Variants in RLF observed in about 807,000 individuals in gnomAD.
RLF encodes RLF zinc finger.
A neutral mutation model predicts 162.9 loss-of-function variants in RLF; 7 were observed. The ratio of observed to expected loss-of-function variants is 0.04; its 90% CI spans 0.02 to 0.08. RLF has a LOEUF of 0.08. Ranked by LOEUF, RLF falls within the 10% of genes least tolerant of loss-of-function variation. RLF has a pLI of 1.00. For missense variants in RLF, 1,664 were observed against 2,244.7 expected (o/e 0.74, Z 5.23); for synonymous variants, 782 against 791.5 (o/e 0.99, Z 0.20).
At chr1:40,208,678 C>T (rs1156777373) in intron 5 of RLF, among the ~76,000 whole-genome samples, 2 of 123,178 alleles carry the variant, frequency 1.6e-5, no homozygotes, top group African/African-American at 7.9e-5. Context: ...CTTAGCTGGG[C>T]GTGGTGGCAT....
intron 1 of RLF, among the ~76,000 whole-genome samples, chr1:40,185,517 TAAAAAAA>T (rs769379758): frequency 0.034 from 796 of 23,726 alleles, 10 homozygotes; most frequent in Non-Finnish European, 0.049. Flanking sequence ...AATCTTGCAT[TAAAAAAA>T]AAAAAAAAAA....
intron 5 of RLF, among the ~76,000 whole-genome samples, chr1:40,219,253 A>G (rs1158569092): frequency 6.6e-6 from 1 of 152,174 alleles, no homozygotes; most frequent in Non-Finnish European, 1.5e-5. Flanking sequence ...TCTATATTCA[A>G]GAAGGTACAG....
At chr1:40,169,226 A>G (rs1382015308) in intron 1 of RLF, among the ~76,000 whole-genome samples, 1 of 152,144 alleles carries the variant, frequency 6.6e-6, no homozygotes, top group Non-Finnish European at 1.5e-5. Context: ...ACAGCTGGCA[A>G]GTGGTGGTGA....
intron 1 of RLF, among the ~76,000 whole-genome samples, chr1:40,169,191 C>T (rs534986254): frequency 6.6e-5 from 10 of 152,088 alleles, no homozygotes; most frequent in Admixed American, 2.6e-4. Context: ...GGTCCAGAGA[C>T]GTTAAGTAAC....
At chr1:40,206,778 G>C (rs1484522748) in intron 5 of RLF, among the ~76,000 whole-genome samples, 1 of 152,148 alleles carries the variant, frequency 6.6e-6, no homozygotes, top group East Asian at 1.9e-4. Context: ...GGATGTTCCT[G>C]TCTTAGAGCT....
At chr1:40,180,007 TTCC>T (rs1227218279) in intron 1 of RLF, among the ~76,000 whole-genome samples, 2 of 152,226 alleles carry the variant, frequency 1.3e-5, no homozygotes, top group African/African-American at 4.8e-5. Flanking sequence ...CTTGGATTTC[TTCC>T]TCCTTTTGGC....
chr1:40,185,517 T>TTAA lies in RLF; in HGVS notation c.238-3538_238-3537insTAA, dbSNP rs1553172908. 5.3e-3 allele frequency among the ~76,000 whole-genome samples: 126 copies of TTAA among 23,748 alleles called. 16 individuals are homozygous for TTAA. The highest frequency in any genetic ancestry group is 7.4e-3 in the Non-Finnish European group (103 of 14,004). The allele number at this position is 23,748 out of a possible 152,430, so 15.6% of individuals were successfully genotyped here. ...TAATCCTTTCAACCTAATCTTGCAT[T>TTAA]AAAAAAAAAAAAAAAAAAAAAAAAA... On this transcript the variant is annotated intron_variant, in intron 1 of 7. Coordinates refer to ENST00000372771, the MANE Select transcript of RLF (RefSeq NM_012421.4).
At chr1:40,168,645 C>G (rs1053298658) in intron 1 of RLF, among the ~76,000 whole-genome samples, 2 of 152,130 alleles carry the variant, frequency 1.3e-5, no homozygotes, top group Non-Finnish European at 1.5e-5. Flanking sequence ...AGTAGAACCT[C>G]ATTTTTATTA....
intron 1 of RLF, among the ~76,000 whole-genome samples, chr1:40,164,329 A>G (rs1166605007): frequency 2.0e-5 from 3 of 152,218 alleles, no homozygotes; most frequent in African/African-American, 4.8e-5. Context: ...AAATGGCTCT[A>G]TCTTTGGGAT....
At chr1:40,185,719 T>G (rs573301999) in intron 1 of RLF, among the ~76,000 whole-genome samples, 3 of 142,064 alleles carry the variant, frequency 2.1e-5, no homozygotes, top group Non-Finnish European at 4.6e-5. Flanking sequence ...TCCCAGCTAC[T>G]TGGGAGGCTG....
intron 5 of RLF, among the ~76,000 whole-genome samples, chr1:40,222,007 A>T (rs951339432): frequency 6.6e-6 from 1 of 152,026 alleles, no homozygotes; most frequent in Non-Finnish European, 1.5e-5. Flanking sequence ...GATTTAAGTC[A>T]TATAAATGAA....
chr1:40,161,589 G>A lies in RLF; in HGVS notation c.190G>A (p.Glu64Lys), dbSNP rs1257043045. 2.5e-6 allele frequency: 4 copies of A among 1,613,266 alleles called. No individual in the cohort carries two copies. The highest frequency in any genetic ancestry group is 3.4e-6 in the Non-Finnish European group (4 of 1,179,632). ...GCTGGAGACAGAGCTGAGGGAGCAA[G>A]AGGTGTCGGAGGTCTCATCTTTGAA... ...WQLETELREQ[E>K]VSEVSSLNYC... Residue 64 changes from glutamate to lysine, a missense_variant, in exon 1 of 8, where the codon GAG (glutamate) becomes AAG (lysine). Glu to Lys is a moderately conservative substitution (Grantham distance 56). Around this residue, in one of 15 missense-constraint regions of RLF, gnomAD observed 134 missense variants for 124.3 expected, o/e 1.08. Coordinates refer to ENST00000372771, the MANE Select transcript of RLF (RefSeq NM_012421.4). The surrounding 1 kb of genome is among the most constrained non-coding windows in gnomAD (Gnocchi z 4.4).
chr1:40,190,847 T>C lies in RLF; in HGVS notation c.468T>C (p.Ser156=), dbSNP rs769015997. The C allele has an allele frequency of 3.7e-6, 6 of 1,608,096 alleles. No individual in the cohort carries two copies. The highest frequency in any genetic ancestry group is 5.1e-6 in the Non-Finnish European group (6 of 1,176,254). The change falls in exon 3 of 8, where the codon TCT becomes TCC. Residue 156 remains serine, a synonymous_variant. Coordinates refer to ENST00000372771, the MANE Select transcript of RLF (RefSeq NM_012421.4). ...PCEVWLPFLQ[S]LQESHDALLE... ...AAGTCTGGCTACCATTCCTTCAGTC[T>C]CTACAGGTGAGTTGATTTTAACTCA... is the stretch of plus-strand genomic sequence containing the variant.
At chr1:40,185,332 T>C (rs1199165122) in intron 1 of RLF, among the ~76,000 whole-genome samples, 1 of 150,270 alleles carries the variant, frequency 6.7e-6, no homozygotes. Context: ...GGTTTCACCA[T>C]GTTGGCCAGG....
At chr1:40,202,382 T>C (rs1642729359) in intron 4 of RLF, 30 bp from the exon 5 acceptor site, 2 of 1,460,724 alleles carry the variant, frequency 1.4e-6, no homozygotes, top group Non-Finnish European at 9.4e-7. Context: ...TGGTATGTTG[T>C]CAAACTGTTT....
Position 40,235,931 on chromosome 1 carries a change from G to A in RLF, c.1229G>A (p.Arg410Gln), listed in dbSNP as rs555541281. ...TTACCAGAAGATTTAGAAGTTAGAC[G>A]AGCCTGTCAGCTTACAGAATTCTTA... ...CLLPEDLEVRRACQLTEFLIE... is the reference protein window; with the variant it reads ...CLLPEDLEVRQACQLTEFLIE... The change falls in exon 8 of 8, where the codon CGA becomes CAA. Residue 410 changes from arginine to glutamine, a missense_variant. By Grantham distance (43) the Arg-to-Gln change is conservative. Transcript: ENST00000372771. 82 of 1,614,060 alleles carry A rather than the reference G, an allele frequency of 5.1e-5. No homozygotes were observed. Among genetic ancestry groups the A allele is most frequent in the East Asian group, 1.6e-4 (7 of 44,874 alleles).
chr1:40,235,776 C>A lies in RLF; in HGVS notation c.1090-16C>A. 1 of 1,472,494 alleles carries A rather than the reference C, an allele frequency of 6.8e-7. No individual in the cohort carries two copies. The highest frequency in any genetic ancestry group is 9.0e-7 in the Non-Finnish European group (1 of 1,109,748). 91.2% of individuals were successfully genotyped at this position (1,472,494 alleles called of 1,614,324 possible). A position where few individuals can be genotyped will look rare whatever the true frequency, so the allele number is the denominator to read the frequency against. On this transcript the variant is annotated splice_polypyrimidine_tract_variant and intron_variant, in intron 7 of 7. Transcript: ENST00000372771. ...GTATGCAAAAAAATAATTTTTTTAT[C>A]CTCTTTTACTTACAGGCACAAGATG...
intron 1 of RLF, among the ~76,000 whole-genome samples, chr1:40,171,519 G>T (rs59682960): frequency 0.1 from 15,475 of 152,106 alleles, 955 homozygotes; most frequent in Middle Eastern, 0.14. Context: ...TGATTCTGTT[G>T]TCTTTGCTTT....
intron 6 of RLF, among the ~76,000 whole-genome samples, chr1:40,225,129 AAG>A (rs1367996683): frequency 3.3e-5 from 5 of 152,182 alleles, no homozygotes; most frequent in Non-Finnish European, 5.9e-5. Flanking sequence ...TATTTTGGAT[AAG>A]AGAGATATCA....
Sources: allele counts gnomAD v4.1 joint callset (sites outside exome capture counted in the v4.1 genomes callset), GRCh38; gene constraint gnomAD v4.1.1; regional missense constraint gnomAD v4.1.1; non-coding constraint Gnocchi (gnomAD v3.1); transcripts MANE v1.5; gene names NCBI Gene and HGNC (gene_info 2026-07-23, HGNC 2026-07-21).